Variants in SYNPO2 observed in about 807,000 individuals in gnomAD.
SYNPO2 encodes the protein synaptopodin-2.
SYNPO2 carries 56 observed loss-of-function variants against 85.0 expected under a neutral mutation model. That is an observed-to-expected ratio of 0.66 (90% CI 0.53 to 0.82). The LOEUF (loss-of-function observed/expected upper bound fraction) is 0.82. Among genes scored for constraint, SYNPO2 ranks in the 40% least tolerant of loss-of-function variants. The probability of loss-of-function intolerance (pLI) is 0.00; values close to 1 mark genes in which losing one functional copy is unlikely to be tolerated. For missense variants in SYNPO2, 1,575 were observed against 1,534.2 expected (o/e 1.03, Z -0.44); for synonymous variants, 602 against 591.1 (o/e 1.02, Z -0.27).
At chr4:119,015,218 A>T (rs1737483104) in intron 1 of SYNPO2, among the ~76,000 whole-genome samples, 1 of 152,242 alleles carries the variant, frequency 6.6e-6, no homozygotes, top group South Asian at 2.1e-4. Context: ...TCGAAATCAC[A>T]TGAGTTAGTG....
chr4:119,034,710 A>C lies in SYNPO2; in HGVS notation c.3252+2683A>C, dbSNP rs1450114360. The C allele has an allele frequency of 4.1e-6, 4 of 985,518 alleles. No homozygotes were observed. In the African/African-American group the frequency reaches 7.0e-5, roughly 17 times the overall value. The allele number at this position is 985,518 out of a possible 1,614,324, so 61.0% of individuals were successfully genotyped here. The stretch of plus-strand genomic sequence containing the variant: ...GAGATGGGAAGTGGGAGGAAGAAGG[A>C]CTAACCAGCTCCCTGGAGTAAGAGG... On this transcript the variant is annotated intron_variant, in intron 4 of 4. Transcript: ENST00000307142.
At chr4:118,882,290 AT>A (rs1732119018) in intron 1 of SYNPO2, among the ~76,000 whole-genome samples, 1 of 152,036 alleles carries the variant, frequency 6.6e-6, no homozygotes, top group South Asian at 2.1e-4. Flanking sequence ...TGAGAAAATG[AT>A]TTGATTCCTT....
chr4:118,890,192 C>T (rs1411337066), intron 1 of SYNPO2, among the ~76,000 whole-genome samples: 1 of 146,858 alleles, frequency 6.8e-6, no homozygotes, highest in Non-Finnish European at 1.5e-5. Context: ...GTGTCCTTTG[C>T]GAAGAAAGAA....
chr4:118,898,900 C>A (rs566467248), intron 1 of SYNPO2, among the ~76,000 whole-genome samples: 9 of 152,322 alleles, frequency 5.9e-5, no homozygotes, highest in Admixed American at 2.6e-4. Flanking sequence ...GTGTCCTTGG[C>A]TGGAATGCTT....
chr4:118,973,865 C>A (rs1012840218), intron 1 of SYNPO2, among the ~76,000 whole-genome samples: 4 of 152,198 alleles, frequency 2.6e-5, no homozygotes, highest in Non-Finnish European at 5.9e-5. Context: ...AAAACCTAAA[C>A]AAACCCCACT....
chr4:119,039,850 T>C (rs897978465), intron 4 of SYNPO2, among the ~76,000 whole-genome samples: 1 of 152,204 alleles, frequency 6.6e-6, no homozygotes, highest in Non-Finnish European at 1.5e-5. Context: ...TAATCATGTC[T>C]TAAATGAACT....
chr4:118,931,247 G>T (rs773975222), intron 1 of SYNPO2, among the ~76,000 whole-genome samples: 16 of 152,036 alleles, frequency 1.1e-4, no homozygotes, highest in Admixed American at 2.0e-4. Context: ...CAGGATTGAG[G>T]GGTCTATGAC....
At chr4:119,023,922 T>G (rs766642837) in intron 2 of SYNPO2, among the ~76,000 whole-genome samples, 1 of 152,256 alleles carries the variant, frequency 6.6e-6, no homozygotes, top group Non-Finnish European at 1.5e-5. Context: ...AATCACTCAA[T>G]TGTAATTATC....
At position 119,058,161 on chromosome 4, in the gene SYNPO2, T is replaced by C. The variant is rs115463680; in HGVS notation, c.*227T>C. 0.033 allele frequency: 11,037 copies of C among 330,076 alleles called. 289 individuals are homozygous for C. Among genetic ancestry groups the C allele is most frequent in the Non-Finnish European group, 0.045 (8,067 of 178,870 alleles). The allele number at this position is 330,076 out of a possible 1,614,324, so 20.4% of individuals were successfully genotyped here. On this transcript the variant is annotated 3_prime_UTR_variant, in exon 5 of 5. Coordinates refer to ENST00000307142, the MANE Select transcript of SYNPO2 (RefSeq NM_133477.3). Reference sequence around the variant, plus strand: ...GTGTGAATACTTCCTTGTTGGCTGATCCATAGAGCATTACTTGGAAGAAAA... The same window carrying C: ...GTGTGAATACTTCCTTGTTGGCTGACCCATAGAGCATTACTTGGAAGAAAA...
chr4:118,853,641 A>T (rs891927823), intron 1 of SYNPO2, among the ~76,000 whole-genome samples: 3 of 150,926 alleles, frequency 2.0e-5, no homozygotes, highest in Non-Finnish European at 1.5e-5. Flanking sequence ...AACTGGTAAA[A>T]CAATGTACAT....
At chr4:118,927,697 G>GAGATAGATAGAT (rs70944821) in intron 1 of SYNPO2, among the ~76,000 whole-genome samples, 108 of 124,980 alleles carry the variant, frequency 8.6e-4, no homozygotes, top group African/African-American at 1.5e-3. Context: ...ATTAAACAAT[G>GAGATAGATAGAT]AGATAGATAG....
At chr4:118,889,345 C>G (rs916473473) in intron 1 of SYNPO2, among the ~76,000 whole-genome samples, 5 of 151,662 alleles carry the variant, frequency 3.3e-5, no homozygotes, top group Non-Finnish European at 7.4e-5. Flanking sequence ...AACTTGCAAT[C>G]GATGAGGGGT....
chr4:118,927,077 T>C (rs1733736307), intron 1 of SYNPO2, among the ~76,000 whole-genome samples: 1 of 152,186 alleles, frequency 6.6e-6, no homozygotes, highest in Admixed American at 6.5e-5. Flanking sequence ...ACCTTCACTC[T>C]TCTTCTGGAG....
At chr4:119,035,711 A>G (rs1440301927) in intron 4 of SYNPO2, 3 of 984,482 alleles carry the variant, frequency 3.0e-6, no homozygotes, top group East Asian at 1.1e-4. Context: ...TTATTTAGCT[A>G]TTCTAGAAAG....
intron 1 of SYNPO2, among the ~76,000 whole-genome samples, chr4:118,971,554 G>T (rs541661633): frequency 4.6e-5 from 7 of 152,332 alleles, no homozygotes; most frequent in African/African-American, 1.7e-4. Context: ...AAGCCAATGG[G>T]TCTCCAGTGA....
At chr4:118,906,968 C>T (rs951437245) in intron 1 of SYNPO2, among the ~76,000 whole-genome samples, 1 of 151,750 alleles carries the variant, frequency 6.6e-6, no homozygotes, top group African/African-American at 2.4e-5. Context: ...CCACCACACC[C>T]AGCTAATTTT....
chr4:118,900,322 TCA>T (rs1409072772), intron 1 of SYNPO2, among the ~76,000 whole-genome samples: 1 of 152,184 alleles, frequency 6.6e-6, no homozygotes, highest in Non-Finnish European at 1.5e-5. Flanking sequence ...CCACTCGTCA[TCA>T]CAGAAAACGT....
chr4:118,970,709 C>T (rs1299906119), intron 1 of SYNPO2, among the ~76,000 whole-genome samples: 3 of 152,192 alleles, frequency 2.0e-5, no homozygotes. Context: ...AAGCTACAAA[C>T]ACTCTAGAAC....
chr4:118,950,473 G>A (rs1430914109), intron 1 of SYNPO2, among the ~76,000 whole-genome samples: 2 of 152,192 alleles, frequency 1.3e-5, no homozygotes, highest in East Asian at 1.9e-4. Flanking sequence ...GAAGGAATGC[G>A]CCAAGCAAGG....
Sources: allele counts gnomAD v4.1 joint callset (sites outside exome capture counted in the v4.1 genomes callset), GRCh38; gene constraint gnomAD v4.1.1; transcripts MANE v1.5; gene names NCBI Gene and HGNC (gene_info 2026-07-23, HGNC 2026-07-21).